Variants in ASTN2 observed in about 807,000 individuals in gnomAD.
The protein encoded by ASTN2 is astrotactin 2, also known as astrotactin-2.
ASTN2 carries 54 observed loss-of-function variants against 139.8 expected under a neutral mutation model. That is an observed-to-expected ratio of 0.39 (90% CI 0.31 to 0.48). The LOEUF is 0.48. ASTN2 is among the 20% of genes least tolerant of loss of function. The pLI is 0.95. For synonymous variants in ASTN2, 756 were observed against 719.5 expected (o/e 1.05, Z -0.81); for missense variants, 1,565 against 1,725.1 (o/e 0.91, Z 1.64).
chr9:116,554,705 CTG>C (rs1852519400), intron 19 of ASTN2, among the ~76,000 whole-genome samples: 1 of 152,026 alleles, frequency 6.6e-6, no homozygotes, highest in Non-Finnish European at 1.5e-5. Flanking sequence ...TTTGTTTTCA[CTG>C]TATTGATTTT....
chr9:116,428,352 T>C (rs1847376132), intron 22 of ASTN2, among the ~76,000 whole-genome samples: 1 of 152,092 alleles, frequency 6.6e-6, no homozygotes. Flanking sequence ...ACTGAAACCC[T>C]GTCTTTACTA....
At position 116,620,535 on chromosome 9, in the gene ASTN2, G is replaced by A. The variant is rs112140287; in HGVS notation, c.3073-92C>T. ...TGATGGCCATGATGTGAGCCATCGA[G>A]GGCTTTAGAGTAGCCCCTTTAAGCA... On this transcript the variant is annotated intron_variant, in intron 17 of 22. Coordinates refer to ENST00000313400, the MANE Select transcript of ASTN2 (RefSeq NM_001365068.1). 300 of 1,510,486 alleles carry A rather than the reference G, an allele frequency of 2.0e-4. 1 individual carries two copies. The African/African-American group carries it at 3.5e-3, about 18-fold the overall frequency. The allele number at this position is 1,510,486 out of a possible 1,614,324, so 93.6% of individuals were successfully genotyped here.
At chr9:117,287,526 A>C (rs1289846156) in intron 2 of ASTN2, among the ~76,000 whole-genome samples, 1 of 152,212 alleles carries the variant, frequency 6.6e-6, no homozygotes, top group Admixed American at 6.5e-5. Flanking sequence ...TGTGTGATCA[A>C]TGTCACGTAG....
intron 13 of ASTN2, among the ~76,000 whole-genome samples, chr9:116,774,148 T>C (rs1478872918): frequency 6.6e-6 from 1 of 152,192 alleles, no homozygotes; most frequent in Non-Finnish European, 1.5e-5. Flanking sequence ...TGTATCTCTC[T>C]GGAAGGGACT....
At chr9:116,487,928 G>A (rs188615714) in intron 19 of ASTN2, among the ~76,000 whole-genome samples, 1 of 152,146 alleles carries the variant, frequency 6.6e-6, no homozygotes, top group East Asian at 1.9e-4. Context: ...TGAAGGAACT[G>A]GACTAAAGAT....
At chr9:116,456,092 T>A (rs1345247125) in intron 20 of ASTN2, among the ~76,000 whole-genome samples, 2 of 152,086 alleles carry the variant, frequency 1.3e-5, no homozygotes, top group Non-Finnish European at 2.9e-5. Context: ...TATTTGCAGA[T>A]GATATGATCT....
At chr9:116,597,231 G>C (rs1588054153) in intron 19 of ASTN2, among the ~76,000 whole-genome samples, 2 of 148,268 alleles carry the variant, frequency 1.3e-5, no homozygotes, top group South Asian at 4.4e-4. Context: ...CATAGGCATT[G>C]TGATCCAACT....
intron 5 of ASTN2, among the ~76,000 whole-genome samples, chr9:117,040,579 C>T (rs1034691998): frequency 5.3e-5 from 8 of 152,186 alleles, no homozygotes; most frequent in African/African-American, 1.9e-4. Context: ...CCACTTCAGC[C>T]TCCTGAGTAG....
At chr9:116,959,773 A>C (rs1347979329) in intron 10 of ASTN2, among the ~76,000 whole-genome samples, 1 of 152,152 alleles carries the variant, frequency 6.6e-6, no homozygotes, top group African/African-American at 2.4e-5. Flanking sequence ...GACAGAAAGG[A>C]AAACAACCTG....
At chr9:116,458,233 G>A (rs921329101) in intron 20 of ASTN2, among the ~76,000 whole-genome samples, 2 of 151,512 alleles carry the variant, frequency 1.3e-5, no homozygotes, top group Non-Finnish European at 2.9e-5. Flanking sequence ...GGAGAAGAAG[G>A]GGAAAAGAGG....
chr9:116,986,800 T>C (rs1836696311), intron 7 of ASTN2, among the ~76,000 whole-genome samples: 1 of 152,182 alleles, frequency 6.6e-6, no homozygotes, highest in Non-Finnish European at 1.5e-5. Context: ...TCAGAGATGG[T>C]TCTGCTGTCC....
chr9:116,719,166 T>G (rs1415173049), intron 16 of ASTN2, among the ~76,000 whole-genome samples: 1 of 150,922 alleles, frequency 6.6e-6, no homozygotes, highest in African/African-American at 2.4e-5. Context: ...GCTATGATGG[T>G]GACTTGGAAT....
At chr9:116,851,470 ACATCTATCTAT>A (rs1440884276) in intron 11 of ASTN2, among the ~76,000 whole-genome samples, 1 of 115,624 alleles carries the variant, frequency 8.6e-6, no homozygotes, top group Non-Finnish European at 1.8e-5. Context: ...AAATTGCTAA[ACATCTATCTAT>A]CTATCTATCT....
chr9:116,572,011 C>T (rs61654164), intron 19 of ASTN2, among the ~76,000 whole-genome samples: 24,539 of 152,042 alleles, frequency 0.16, 2,169 homozygotes, highest in African/African-American at 0.22. Flanking sequence ...TGTGAGTCTG[C>T]ACCCTATATG....
At chr9:116,584,345 A>C (rs1854066909) in intron 19 of ASTN2, 1 of 151,952 alleles carries the variant, frequency 6.6e-6, no homozygotes, top group Non-Finnish European at 1.5e-5. Flanking sequence ...TATCTGGGGC[A>C]TTCTGATCTC....
intron 10 of ASTN2, among the ~76,000 whole-genome samples, chr9:116,884,976 C>T (rs147961049): frequency 0.012 from 1,771 of 151,948 alleles, 22 homozygotes; most frequent in Middle Eastern, 0.031. Flanking sequence ...CCACTGTGCC[C>T]GGCTAATTTT....
At chr9:116,933,986 T>TTTTTTTTTTTTTTTTTTTTTTTTTTTTG (rs1834992011) in intron 10 of ASTN2, among the ~76,000 whole-genome samples, 1 of 40,806 alleles carries the variant, frequency 2.5e-5, no homozygotes. Flanking sequence ...GTCCTTTTTT[T>TTTTTTTTTTTTTTTTTTTTTTTTTTTTG]TTTTTTTTTT....
At chr9:116,526,637 T>G (rs892686651) in intron 19 of ASTN2, among the ~76,000 whole-genome samples, 5 of 130,804 alleles carry the variant, frequency 3.8e-5, no homozygotes, top group African/African-American at 1.2e-4. Flanking sequence ...AAAAAAAAAG[T>G]GACAAAAGAT....
intron 19 of ASTN2, among the ~76,000 whole-genome samples, chr9:116,530,310 G>A (rs1851289865): frequency 6.6e-6 from 1 of 151,126 alleles, no homozygotes; most frequent in Non-Finnish European, 1.5e-5. Context: ...CAAACTAATA[G>A]AGAGTAAAAT....
Sources: gnomAD v4.1 joint callset for allele counts (sites outside exome capture counted in the v4.1 genomes callset) on GRCh38, gnomAD v4.1.1 for gene constraint, MANE v1.5 for transcripts, NCBI Gene and HGNC (gene_info 2026-07-23, HGNC 2026-07-21) for gene names.